PPP6R2: variants seen among roughly 807,000 people sequenced by gnomAD.
PPP6R2 encodes serine/threonine-protein phosphatase 6 regulatory subunit 2.
In PPP6R2, 62 loss-of-function variants were observed where a neutral mutation model predicts 100.2. The ratio of observed to expected loss-of-function variants is 0.62; its 90% CI spans 0.50 to 0.76. The LOEUF is 0.76. Ranked by LOEUF, PPP6R2 falls within the 30% of genes least tolerant of loss-of-function variation. The pLI is 0.00. For synonymous variants in PPP6R2, 525 were observed against 514.7 expected, an observed-to-expected ratio of 1.02 and a Z score of -0.27; for missense variants, 1,142 against 1,276.3, an observed-to-expected ratio of 0.89 and a Z score of 1.60.
In PPP6R2 at chr22:50,401,650, T is replaced by TC. The variant is rs1299661058; in HGVS notation, c.228-5039_228-5038insC. ...CCTCAGCCTCCCTTTTTCTTTTTTCTTTTTTTTTTTGAGACGGAGTCTCAC... is the reference window on the plus strand; with the variant it reads ...CCTCAGCCTCCCTTTTTCTTTTTTCTCTTTTTTTTTTGAGACGGAGTCTCAC... On this transcript the variant is annotated intron_variant, in intron 3 of 23. Transcript: ENST00000612753. Among the ~76,000 whole-genome samples the TC allele has an allele frequency of 2.9e-5, 4 of 139,100 alleles. No individual in the cohort carries two copies. In the East Asian group the frequency reaches 9.5e-4, roughly 33 times the overall value. 91.3% of individuals were successfully genotyped at this position (139,100 alleles called of 152,430 possible). A position where few individuals can be genotyped will look rare whatever the true frequency, so the allele number is the denominator to read the frequency against.
At chr22:50,389,998 CTT>C (rs112025241) in intron 2 of PPP6R2, among the ~76,000 whole-genome samples, 3 of 137,560 alleles carry the variant, frequency 2.2e-5, no homozygotes, top group African/African-American at 2.7e-5. Context: ...CTTTTTTTTT[CTT>C]TTTTTTTTTG....
chr22:50,365,148 C>T (rs963818140), intron 1 of PPP6R2, among the ~76,000 whole-genome samples: 9 of 150,936 alleles, frequency 6.0e-5, no homozygotes, highest in African/African-American at 1.7e-4. Flanking sequence ...CTCGGCTCAC[C>T]GCAACCTCCA....
At chr22:50,347,762 C>G (rs137879917) in intron 1 of PPP6R2, among the ~76,000 whole-genome samples, 5 of 152,264 alleles carry the variant, frequency 3.3e-5, no homozygotes, top group African/African-American at 4.8e-5. Flanking sequence ...ATCCACCCTT[C>G]CCTCATGGCC....
the PPP6R2 span, among the ~76,000 whole-genome samples, chr22:50,337,849 T>G: frequency 7.2e-6 from 1 of 138,918 alleles, no homozygotes. Context: ...GTGTGTGTGG[T>G]GTGTTGGTGT....
At chr22:50,385,999 A>G (rs1055673467) in intron 2 of PPP6R2, among the ~76,000 whole-genome samples, 4 of 144,458 alleles carry the variant, frequency 2.8e-5, no homozygotes, top group Admixed American at 2.1e-4. Flanking sequence ...AATTTTTTGT[A>G]TTTTTAGTAG....
chr22:50,411,060 G>A (rs2059681656), intron 4 of PPP6R2, among the ~76,000 whole-genome samples: 3 of 152,090 alleles, frequency 2.0e-5, no homozygotes, highest in African/African-American at 4.8e-5. Flanking sequence ...CAAAATGCTG[G>A]GATTACAGGT....
At chr22:50,378,359 G>A (rs2052087707) in intron 2 of PPP6R2, among the ~76,000 whole-genome samples, 1 of 152,228 alleles carries the variant, frequency 6.6e-6, no homozygotes, top group East Asian at 1.9e-4. Flanking sequence ...GGCTGAGGCA[G>A]GTGGATCACC....
At chr22:50,357,441 T>C (rs944073283) in intron 1 of PPP6R2, among the ~76,000 whole-genome samples, 1 of 151,456 alleles carries the variant, frequency 6.6e-6, no homozygotes, top group Admixed American at 6.6e-5. Context: ...TTTTCTTTTT[T>C]CTCTCTCTTT....
intron 1 of PPP6R2, among the ~76,000 whole-genome samples, chr22:50,355,229 CTTTTTTT>C: frequency 7.6e-6 from 1 of 131,150 alleles, no homozygotes; most frequent in East Asian, 2.4e-4. Context: ...AAGCAGCCTT[CTTTTTTT>C]TTTTTTTTTT....
In PPP6R2 at chr22:50,423,445, G is replaced by A. The variant is rs756301820; in HGVS notation, c.973-17G>A. The A allele has an allele frequency of 2.5e-6, 4 of 1,614,078 alleles. No homozygotes were observed. Among genetic ancestry groups the A allele is most frequent in the Non-Finnish European group, 3.4e-6 (4 of 1,179,942 alleles). Reference sequence around the variant, plus strand: ...TGCTCACAGGGCCTAACTGGGTGGTGCCTTCTGTGTTTGCAGAAGAAAGCG... The same window carrying A: ...TGCTCACAGGGCCTAACTGGGTGGTACCTTCTGTGTTTGCAGAAGAAAGCG... On this transcript the variant is annotated splice_polypyrimidine_tract_variant and intron_variant, in intron 9 of 23. Coordinates refer to ENST00000612753, the MANE Select transcript of PPP6R2 (RefSeq NM_001242898.2). This position sits in a 1 kb window ranked among gnomAD's most constrained non-coding sequence, Gnocchi z 4.8.
intron 1 of PPP6R2, among the ~76,000 whole-genome samples, chr22:50,367,720 T>C (rs1244795342): frequency 1.3e-5 from 2 of 152,170 alleles, no homozygotes; most frequent in African/African-American, 4.8e-5. Context: ...TTTTGTGTTG[T>C]TTTTTGAGAC....
At chr22:50,401,063 A>G (rs1483551709) in intron 3 of PPP6R2, among the ~76,000 whole-genome samples, 1 of 151,738 alleles carries the variant, frequency 6.6e-6, no homozygotes, top group Non-Finnish European at 1.5e-5. Flanking sequence ...TTCTACCATT[A>G]TTTTTTGTTT....
chr22:50,395,716 A>G (rs1489129231), intron 3 of PPP6R2, among the ~76,000 whole-genome samples: 1 of 151,954 alleles, frequency 6.6e-6, no homozygotes, highest in Non-Finnish European at 1.5e-5. Flanking sequence ...GCGTGCCACC[A>G]TGCCCGGCTA....
chr22:50,351,586 C>T (rs897859257), intron 1 of PPP6R2, among the ~76,000 whole-genome samples: 3 of 151,924 alleles, frequency 2.0e-5, no homozygotes, highest in South Asian at 2.1e-4. Flanking sequence ...GCTGGATCTT[C>T]CAGATCTAGC....
chr22:50,398,831 G>C (rs1477493830), intron 3 of PPP6R2, among the ~76,000 whole-genome samples: 1 of 152,220 alleles, frequency 6.6e-6, no homozygotes, highest in East Asian at 1.9e-4. Context: ...GCTAGTCAAA[G>C]TGCAGCAGTG....
At chr22:50,341,049 T>G (rs1433230724), upstream of PPP6R2, among the ~76,000 whole-genome samples, 1 of 152,028 alleles carries the variant, frequency 6.6e-6, no homozygotes, top group Non-Finnish European at 1.5e-5. Context: ...TAGCTGGGAC[T>G]GCAGGCGCCC....
intron 1 of PPP6R2, among the ~76,000 whole-genome samples, chr22:50,350,571 C>T (rs552939513): frequency 1.1e-4 from 16 of 151,408 alleles, no homozygotes; most frequent in Admixed American, 6.6e-4. Context: ...TTAGGCTGGG[C>T]GCGGTGGCTC....
At chr22:50,343,735 C>A (rs1249707104) in intron 1 of PPP6R2, among the ~76,000 whole-genome samples, 185 bp downstream of exon 1, 1 of 96,024 alleles carries the variant, frequency 1.0e-5, no homozygotes, top group Non-Finnish European at 2.1e-5. Context: ...CAGTCAGTGC[C>A]CCCTCCAGTC....
chr22:50,436,673 C>T (rs1257608848), intron 14 of PPP6R2, among the ~76,000 whole-genome samples: 1 of 152,216 alleles, frequency 6.6e-6, no homozygotes, highest in East Asian at 1.9e-4. Flanking sequence ...TCTCTGAGGA[C>T]CTCTGTGCAG....
Sources: gnomAD v4.1 joint callset for allele counts (sites outside exome capture counted in the v4.1 genomes callset) on GRCh38, gnomAD v4.1.1 for gene constraint, Gnocchi (gnomAD v3.1) non-coding constraint, MANE v1.5 for transcripts, NCBI Gene and HGNC (gene_info 2026-07-23, HGNC 2026-07-21) for gene names.